FBXL7: variants seen among roughly 807,000 people sequenced by gnomAD.
FBXL7 encodes F-box and leucine rich repeat protein 7.
Under a neutral mutation model 38.3 loss-of-function variants are expected in FBXL7, and 12 were observed. That is an observed-to-expected ratio of 0.31 (90% CI 0.20 to 0.51). FBXL7 has a LOEUF of 0.51. Among genes scored for constraint, FBXL7 ranks in the 20% least tolerant of loss-of-function variants. The pLI, the probability that FBXL7 is intolerant of heterozygous loss-of-function variation, is 0.98. For synonymous variants in FBXL7, 297 were observed against 300.9 expected, an observed-to-expected ratio of 0.99 and a Z score of 0.13; for missense variants, 567 against 676.4, an observed-to-expected ratio of 0.84 and a Z score of 1.79.
rs749071254 is a variant in FBXL7 at position 15,901,896 on chromosome 5, AATTTAACTGCATCCTTCAAC to A, written c.128-25965_128-25946del. On this transcript the variant is annotated intron_variant, in intron 2 of 3. Coordinates refer to ENST00000504595, the MANE Select transcript of FBXL7 (RefSeq NM_012304.5). ...AATTTCAGAATGCAAGGACCTAGGA[AATTTAACTGCATCCTTCAAC>A]ATTTAACTGCATCCTTCAACATTTA... Among the ~76,000 whole-genome samples, 1,161 of 152,300 alleles carry A rather than the reference AATTTAACTGCATCCTTCAAC, an allele frequency of 7.6e-3. 20 individuals carry two copies. The highest frequency in any genetic ancestry group is 0.024 in the African/African-American group (1,009 of 41,558).
intron 2 of FBXL7, among the ~76,000 whole-genome samples, chr5:15,672,880 G>A (rs1742526419): frequency 6.6e-6 from 1 of 151,526 alleles, no homozygotes; most frequent in Non-Finnish European, 1.5e-5. Context: ...TAAATTTAAT[G>A]TCTGTCAATT....
intron 1 of FBXL7, among the ~76,000 whole-genome samples, chr5:15,525,006 C>G (rs1031553709): frequency 1.3e-5 from 2 of 152,354 alleles, no homozygotes; most frequent in Admixed American, 6.5e-5. Context: ...CTCTCCATCA[C>G]ATGTGTTTAT....
At chr5:15,710,814 G>A (rs930324326) in intron 2 of FBXL7, among the ~76,000 whole-genome samples, 3 of 152,198 alleles carry the variant, frequency 2.0e-5, no homozygotes, top group African/African-American at 7.2e-5. Flanking sequence ...GAGGCTTGAA[G>A]TCCAAAATCA....
chr5:15,689,750 T>C (rs1481183032), intron 2 of FBXL7, among the ~76,000 whole-genome samples: 1 of 152,222 alleles, frequency 6.6e-6, no homozygotes, highest in African/African-American at 2.4e-5. Context: ...AACAGTCTTT[T>C]AAAATTTTGC....
At chr5:15,862,702 A>G (rs1185044326) in intron 2 of FBXL7, among the ~76,000 whole-genome samples, 3 of 152,172 alleles carry the variant, frequency 2.0e-5, no homozygotes, top group African/African-American at 4.8e-5. Context: ...GTCCCCTGCC[A>G]TGCAGAACAG....
chr5:15,571,645 A>G (rs537315279), intron 1 of FBXL7, among the ~76,000 whole-genome samples: 86 of 152,102 alleles, frequency 5.7e-4, no homozygotes, highest in Non-Finnish European at 1.0e-3. Context: ...TGTTAAGCAG[A>G]TGACATTTCG....
chr5:15,706,550 G>A (rs1424503056), intron 2 of FBXL7, among the ~76,000 whole-genome samples: 1 of 152,214 alleles, frequency 6.6e-6, no homozygotes, highest in Non-Finnish European at 1.5e-5. Context: ...TGTAGAGAAA[G>A]CAAGAATGGA....
chr5:15,548,654 A>G (rs939993416), intron 1 of FBXL7, among the ~76,000 whole-genome samples: 37 of 152,238 alleles, frequency 2.4e-4, no homozygotes, highest in African/African-American at 8.4e-4. Flanking sequence ...GCCAAAGTTA[A>G]GGACATGTGC....
chr5:15,754,421 C>A (rs565352586), intron 2 of FBXL7, among the ~76,000 whole-genome samples: 1 of 152,280 alleles, frequency 6.6e-6, no homozygotes, highest in Non-Finnish European at 1.5e-5. Flanking sequence ...TGGAGTCCAG[C>A]AGCAGGGGCA....
chr5:15,672,240 A>G (rs1375114844), intron 2 of FBXL7, among the ~76,000 whole-genome samples: 1 of 152,188 alleles, frequency 6.6e-6, no homozygotes, highest in Non-Finnish European at 1.5e-5. Flanking sequence ...AAGACATCTT[A>G]ATGTCTGTAA....
chr5:15,614,274 CTTTT>C (rs375128237), intron 1 of FBXL7, among the ~76,000 whole-genome samples: 1 of 126,544 alleles, frequency 7.9e-6, no homozygotes, highest in Non-Finnish European at 1.7e-5. Flanking sequence ...CTTTTCTTTT[CTTTT>C]TTTTTTTTTG....
At chr5:15,715,584 G>A (rs751524822) in intron 2 of FBXL7, among the ~76,000 whole-genome samples, 5 of 151,482 alleles carry the variant, frequency 3.3e-5, no homozygotes, top group East Asian at 3.9e-4. Context: ...TGTGGGCCAC[G>A]TGGTCTCTGT....
chr5:15,866,758 G>A (rs1040560119), intron 2 of FBXL7, among the ~76,000 whole-genome samples: 7 of 148,614 alleles, frequency 4.7e-5, no homozygotes, highest in Non-Finnish European at 8.9e-5. Flanking sequence ...GAGAATATGC[G>A]GTATTTGGTT....
Position 15,622,737 on chromosome 5 carries a change from C to T in FBXL7, c.127+6665C>T, listed in dbSNP as rs546074714. Among the ~76,000 whole-genome samples the T allele has an allele frequency of 7.2e-5, 11 of 152,256 alleles. No homozygotes were observed. In the South Asian group the frequency reaches 2.3e-3, roughly 32 times the overall value. ...TTTTATTTTTTGAGATGGAGTCTTA[C>T]TCTGTCATCCAGGCTGAGGTGCAGT... On this transcript the variant is annotated intron_variant, in intron 2 of 3. Coordinates refer to ENST00000504595, the MANE Select transcript of FBXL7 (RefSeq NM_012304.5).
At chr5:15,521,841 G>A (rs1180818647) in intron 1 of FBXL7, among the ~76,000 whole-genome samples, 3 of 152,170 alleles carry the variant, frequency 2.0e-5, no homozygotes, top group Non-Finnish European at 4.4e-5. Flanking sequence ...TATTTTCCTC[G>A]AATTGTTCTT....
chr5:15,544,574 A>G (rs1382595694), intron 1 of FBXL7, among the ~76,000 whole-genome samples: 3 of 152,186 alleles, frequency 2.0e-5, no homozygotes. Context: ...ACACACACAC[A>G]TCCCCCAACC....
intron 2 of FBXL7, among the ~76,000 whole-genome samples, chr5:15,727,902 T>C (rs1027255445): frequency 4.6e-5 from 7 of 152,168 alleles, no homozygotes; most frequent in Non-Finnish European, 1.0e-4. Flanking sequence ...ATCTGGTTAC[T>C]TCCATCGTTT....
intron 2 of FBXL7, among the ~76,000 whole-genome samples, chr5:15,887,072 A>T (rs184028441): frequency 1.2e-4 from 19 of 152,340 alleles, no homozygotes; most frequent in African/African-American, 4.1e-4. Context: ...CTGCACTTAT[A>T]AATGTGTATC....
chr5:15,808,135 A>ATT (rs60387749), intron 2 of FBXL7, among the ~76,000 whole-genome samples: 12 of 151,008 alleles, frequency 7.9e-5, no homozygotes, highest in Admixed American at 1.3e-4. Flanking sequence ...CTAATTTATG[A>ATT]TTTTTTTTTC....
Sources: gnomAD v4.1 joint callset for allele counts (sites outside exome capture counted in the v4.1 genomes callset) on GRCh38, gnomAD v4.1.1 for gene constraint, MANE v1.5 for transcripts, NCBI Gene and HGNC (gene_info 2026-07-23, HGNC 2026-07-21) for gene names.